Variants in NAA40 observed in about 807,000 individuals in gnomAD.
NAA40 encodes N-alpha-acetyltransferase 40.
In NAA40, 26 loss-of-function variants were observed where a neutral mutation model predicts 36.6. That is an observed-to-expected ratio of 0.71 (90% CI 0.52 to 0.98). NAA40 has a LOEUF of 0.98. NAA40 is among the 50% of genes least tolerant of loss of function. The pLI, the probability that NAA40 is intolerant of heterozygous loss-of-function variation, is 0.00. For synonymous variants in NAA40, 129 were observed against 108.4 expected, an observed-to-expected ratio of 1.19 and a Z score of -1.18; for missense variants, 237 against 306.5, an observed-to-expected ratio of 0.77 and a Z score of 1.69.
Position 63,953,999 on chromosome 11 carries a change from A to C in NAA40, c.522A>C (p.Thr174=). 1 of 1,614,126 alleles carries C rather than the reference A, an allele frequency of 6.2e-7. No individual in the cohort carries two copies. Among genetic ancestry groups the C allele is most frequent in the South Asian group, 1.1e-5 (1 of 91,062 alleles). ...NSTQMKKVML[T]VFKHNHGAYQ... is the part of the protein sequence containing the mutation. ...CACAGATGAAGAAGGTTATGTTAAC[A>C]GTATTTAAACACAATCATGGTGCCT... Residue 174 remains threonine, a synonymous_variant, in exon 7 of 8, where the codon ACA becomes ACC. Coordinates refer to ENST00000377793, the MANE Select transcript of NAA40 (RefSeq NM_024771.4).
At chr11:63,948,262 G>A (rs565941157) in intron 3 of NAA40, among the ~76,000 whole-genome samples, 1 of 152,294 alleles carries the variant, frequency 6.6e-6, no homozygotes, top group Admixed American at 6.5e-5. Context: ...GGGAAACTGA[G>A]GCCCAGAGAG....
chr11:63,948,674 C>T (rs1013526833), intron 3 of NAA40, among the ~76,000 whole-genome samples: 3 of 151,990 alleles, frequency 2.0e-5, no homozygotes, highest in South Asian at 2.1e-4. Context: ...GCCAAGATTG[C>T]GCCATTGCAC....
chr11:63,952,071 C>T, intron 3 of NAA40, 167 bp from the exon 4 acceptor site: 1 of 581,494 alleles, frequency 1.7e-6, no homozygotes, highest in Non-Finnish European at 3.1e-6. Flanking sequence ...GCCTGAAAGA[C>T]TTTGTTCCTG....
chr11:63,943,285 C>T (rs1942135568), intron 1 of NAA40, among the ~76,000 whole-genome samples: 1 of 152,198 alleles, frequency 6.6e-6, no homozygotes, highest in South Asian at 2.1e-4. Context: ...CCATCCGACG[C>T]TTCTCTGTCC....
intron 1 of NAA40, among the ~76,000 whole-genome samples, chr11:63,944,339 G>C (rs7128959): frequency 0.038 from 5,763 of 152,118 alleles, 164 homozygotes; most frequent in Admixed American, 0.077. Context: ...AGGGGTGTTG[G>C]GGGGGAGGTG....
At position 63,952,528 on chromosome 11, in the gene NAA40, C is replaced by T. The variant is rs1942296808; in HGVS notation, c.373C>T (p.Arg125Trp). 3 of 1,614,104 alleles carry T rather than the reference C, an allele frequency of 1.9e-6. No homozygotes were observed. The highest frequency in any genetic ancestry group is 1.7e-5 in the Admixed American group (1 of 60,004). Reference sequence around the variant, plus strand: ...CGTCCCTGTTGCCTTTTCTCACTTCCGGTTTGACGTGGAGTGTGGGGATGA... The same window carrying T: ...CGTCCCTGTTGCCTTTTCTCACTTCTGGTTTGACGTGGAGTGTGGGGATGA... ...SSVPVAFSHF[R>W]FDVECGDEVL... Residue 125 changes from arginine to tryptophan, a missense_variant, in exon 5 of 8, where the codon CGG becomes TGG. Arg to Trp is a moderately radical substitution (Grantham distance 101). Coordinates refer to ENST00000377793, the MANE Select transcript of NAA40 (RefSeq NM_024771.4).
At chr11:63,942,877 G>A (rs1026919882) in intron 1 of NAA40, among the ~76,000 whole-genome samples, 1 of 152,174 alleles carries the variant, frequency 6.6e-6, no homozygotes, top group Non-Finnish European at 1.5e-5. Flanking sequence ...AGGTCTACAT[G>A]AATGAGCCCA....
Position 63,954,508 on chromosome 11 carries a change from G to A in NAA40, c.*29G>A. The A allele has an allele frequency of 2.5e-6, 4 of 1,576,048 alleles. No homozygotes were observed. Among genetic ancestry groups the A allele is most frequent in the Non-Finnish European group, 3.4e-6 (4 of 1,162,530 alleles). On this transcript the variant is annotated 3_prime_UTR_variant, in exon 8 of 8. Transcript: ENST00000377793. Reference sequence around the variant, plus strand: ...CTCAGAGCCACTTTCAAGTCACAATGCTCTCTCCTAAGGCCTTTCCTCTTT... The same window carrying A: ...CTCAGAGCCACTTTCAAGTCACAATACTCTCTCCTAAGGCCTTTCCTCTTT...
At chr11:63,944,302 A>C (rs568547750) in intron 1 of NAA40, among the ~76,000 whole-genome samples, 18 of 152,212 alleles carry the variant, frequency 1.2e-4, no homozygotes, top group Admixed American at 5.9e-4. Flanking sequence ...GGAGTTGTCA[A>C]ACCTCTCCAG....
chr11:63,950,757 C>A (rs559736185), intron 3 of NAA40, among the ~76,000 whole-genome samples: 1 of 152,176 alleles, frequency 6.6e-6, no homozygotes, highest in African/African-American at 2.4e-5. Flanking sequence ...CCACTGTGCC[C>A]GGCCTCATAG....
At chr11:63,949,016 A>C (rs1019389247) in intron 3 of NAA40, among the ~76,000 whole-genome samples, 1 of 151,962 alleles carries the variant, frequency 6.6e-6, no homozygotes, top group African/African-American at 2.4e-5. Context: ...CCCTGTCTCT[A>C]CAAAAAAAAA....
In NAA40 at chr11:63,945,925, C is replaced by T; in HGVS notation, c.92C>T (p.Ala31Val). Reference sequence around the variant, plus strand: ...GATGCCGTTTGTGCCAAAGTGGACGCTGCCAACAGGGTGATTCTCCCTTTC... The same window carrying T: ...GATGCCGTTTGTGCCAAAGTGGACGTTGCCAACAGGGTGATTCTCCCTTTC... ...AMDAVCAKVD[A>V]ANRLGDPLEA... Residue 31 changes from alanine to valine, a missense_variant, in exon 2 of 8, where the codon GCT becomes GTT. Transcript: ENST00000377793. The T allele has an allele frequency of 6.2e-7, 1 of 1,613,994 alleles. No homozygotes were observed.
rs1942358580 is a variant in NAA40, at chr11:63,955,960, C to T, written c.*1481C>T. ...TCCCTCTGACCTCAGCATCTGCTCA[C>T]ATCCCACCCTCTGCCCAACTCTGGC... On this transcript the variant is annotated 3_prime_UTR_variant, in exon 8 of 8. Coordinates refer to ENST00000377793, the MANE Select transcript of NAA40 (RefSeq NM_024771.4). 1 of 152,552 alleles carries T rather than the reference C, an allele frequency of 6.6e-6. No homozygotes were observed. The highest frequency in any genetic ancestry group is 2.4e-5 in the African/African-American group (1 of 41,476). 9.4% of individuals were successfully genotyped at this position (152,552 alleles called of 1,614,324 possible).
At chr11:63,942,639 G>A (rs1451722557) in intron 1 of NAA40, among the ~76,000 whole-genome samples, 2 of 152,196 alleles carry the variant, frequency 1.3e-5, no homozygotes, top group Non-Finnish European at 2.9e-5. Flanking sequence ...TTAATTAGGA[G>A]CATTTTCCTG....
intron 1 of NAA40, among the ~76,000 whole-genome samples, chr11:63,940,708 C>T (rs1418548864): frequency 2.6e-5 from 4 of 151,140 alleles, no homozygotes; most frequent in Non-Finnish European, 4.4e-5. Flanking sequence ...TTTTTTTTCC[C>T]GTCACTCCAC....
At chr11:63,942,567 C>T (rs1406697440) in intron 1 of NAA40, among the ~76,000 whole-genome samples, 1 of 152,186 alleles carries the variant, frequency 6.6e-6, no homozygotes, top group Admixed American at 6.5e-5. Flanking sequence ...TTGTACAAAG[C>T]TCCCTTGGAA....
chr11:63,945,869 G>A lies in NAA40; in HGVS notation c.36G>A (p.Lys12=), dbSNP rs1411998832. Reference sequence around the variant, plus strand: ...AGTCAAGCAAAGCCAAGGAGAAGAAGCAGAAGCGGTTGGAGGAGCGAGCAG... The same window carrying A: ...AGTCAAGCAAAGCCAAGGAGAAGAAACAGAAGCGGTTGGAGGAGCGAGCAG... ...GRKSSKAKEK[K]QKRLEERAAM... is the part of the protein sequence containing the mutation. Residue 12 remains lysine, a synonymous_variant, in exon 2 of 8, where the codon AAG becomes AAA. Transcript: ENST00000377793. 1.2e-6 allele frequency: 2 copies of A among 1,614,198 alleles called. No homozygotes were observed. The highest frequency in any genetic ancestry group is 1.7e-5 in the Admixed American group (1 of 60,016).
chr11:63,944,818 G>A (rs754670862), intron 1 of NAA40, among the ~76,000 whole-genome samples: 4 of 149,986 alleles, frequency 2.7e-5, no homozygotes, highest in African/African-American at 4.9e-5. Flanking sequence ...CAGGAGAATC[G>A]CTTGAACCCA....
At chr11:63,954,163 G>C in intron 7 of NAA40, 114 bp downstream of exon 7, 1 of 1,360,444 alleles carries the variant, frequency 7.4e-7, no homozygotes, top group South Asian at 1.3e-5. Context: ...AGTGGTCCAT[G>C]GGGGTTCAGG....
Sources: allele counts gnomAD v4.1 joint callset (sites outside exome capture counted in the v4.1 genomes callset), GRCh38; gene constraint gnomAD v4.1.1; transcripts MANE v1.5; gene names NCBI Gene and HGNC (gene_info 2026-07-23, HGNC 2026-07-21).